The following TNFSF4 variants were observed in gnomAD, a reference collection of about 807,000 sequenced individuals.
TNFSF4 encodes the protein TNF superfamily member 4, also known as tumor necrosis factor ligand superfamily member 4.
In TNFSF4, 4 loss-of-function variants were observed where a neutral mutation model predicts 7.3. The ratio of observed to expected loss-of-function variants is 0.55; its 90% confidence interval spans 0.27 to 1.25. The LOEUF (loss-of-function observed/expected upper bound fraction) is 1.25. Ranked by LOEUF, TNFSF4 falls within the 50% of genes most tolerant of loss-of-function variation. The pLI, the probability that TNFSF4 is intolerant of heterozygous loss-of-function variation, is 0.12. For missense variants in TNFSF4, 181 were observed against 208.8 expected (o/e 0.87, Z 0.82); for synonymous variants, 76 against 83.7 (o/e 0.91, Z 0.50).
chr1:173,255,888 G>A, the TNFSF4 span, among the ~76,000 whole-genome samples: 2 of 152,192 alleles, frequency 1.3e-5, no homozygotes, highest in African/African-American at 4.8e-5. Context: ...GATTCAGTTA[G>A]TGTCCTAACA....
At chr1:173,413,948 T>C in the TNFSF4 span, among the ~76,000 whole-genome samples, 1 of 152,172 alleles carries the variant, frequency 6.6e-6, no homozygotes. Flanking sequence ...CACCATCATA[T>C]GGTCACAAGG....
chr1:173,188,433 A>C, intron 2 of TNFSF4, 88 bp downstream of exon 2: 1 of 1,043,308 alleles, frequency 9.6e-7, no homozygotes, highest in Non-Finnish European at 1.5e-6. Context: ...TAGGAAAAGA[A>C]GAGATCTTGT....
At chr1:173,267,119 A>G in the TNFSF4 span, among the ~76,000 whole-genome samples, 1 of 152,184 alleles carries the variant, frequency 6.6e-6, no homozygotes, top group Non-Finnish European at 1.5e-5. Context: ...TTAATCATAA[A>G]TTAAGATCGA....
the TNFSF4 span, among the ~76,000 whole-genome samples, chr1:173,257,505 G>A: frequency 7.9e-5 from 12 of 152,164 alleles, no homozygotes; most frequent in African/African-American, 1.4e-4. Flanking sequence ...TCTGACCAAC[G>A]GGTTACAAAT....
chr1:173,419,907 G>C, the TNFSF4 span, among the ~76,000 whole-genome samples: 382 of 151,670 alleles, frequency 2.5e-3, 4 homozygotes, highest in African/African-American at 7.6e-3. Context: ...TTGTGTGGCG[G>C]GGGGGGGGAT....
At chr1:173,228,659 G>A in the TNFSF4 span, among the ~76,000 whole-genome samples, 19,106 of 152,126 alleles carry the variant, frequency 0.13, 1,348 homozygotes, top group South Asian at 0.17. Context: ...TGAACCCATC[G>A]CAAAGAAGCT....
At chr1:173,179,235 T>C (rs1377198079), downstream of TNFSF4, among the ~76,000 whole-genome samples, 6 of 152,170 alleles carry the variant, frequency 3.9e-5, no homozygotes. Flanking sequence ...TTTGCCCAGA[T>C]GCAAACAGAA....
At chr1:173,448,653 G>A in the TNFSF4 span, among the ~76,000 whole-genome samples, 2 of 152,188 alleles carry the variant, frequency 1.3e-5, no homozygotes, top group South Asian at 4.1e-4. Flanking sequence ...TTTGAGCCAG[G>A]ATGAGCCAGG....
At chr1:173,399,927 A>G in the TNFSF4 span, among the ~76,000 whole-genome samples, 1 of 152,224 alleles carries the variant, frequency 6.6e-6, no homozygotes, top group Non-Finnish European at 1.5e-5. Flanking sequence ...CCATTCCCCA[A>G]GGTGATCAGA....
the TNFSF4 span, among the ~76,000 whole-genome samples, chr1:173,403,446 A>G: frequency 6.6e-6 from 1 of 152,308 alleles, no homozygotes; most frequent in East Asian, 1.9e-4. Flanking sequence ...GAAGCTCCCT[A>G]ATTTGTAGGA....
chr1:173,352,031 TTGA>T, the TNFSF4 span: 1 of 367,248 alleles, frequency 2.7e-6, no homozygotes, highest in Non-Finnish European at 5.0e-6. Context: ...TATACAAGTT[TTGA>T]TTAAAATTTG....
the TNFSF4 span, among the ~76,000 whole-genome samples, chr1:173,217,459 C>T: frequency 6.6e-6 from 1 of 152,184 alleles, no homozygotes; most frequent in Non-Finnish European, 1.5e-5. Context: ...TAGTCATCCA[C>T]AAATGATAGA....
the TNFSF4 span, among the ~76,000 whole-genome samples, chr1:173,288,632 G>T: frequency 6.6e-6 from 1 of 151,956 alleles, no homozygotes; most frequent in African/African-American, 2.4e-5. Flanking sequence ...TCAGTTATTT[G>T]TTGTTATATT....
chr1:173,205,174 G>A (rs1470063668), intron 1 of TNFSF4: 3 of 1,008,878 alleles, frequency 3.0e-6, no homozygotes, highest in Non-Finnish European at 4.3e-6. Flanking sequence ...CAAATATCCT[G>A]AGCAAAAAAA....
At chr1:173,357,782 G>C in the TNFSF4 span, among the ~76,000 whole-genome samples, 13 of 152,102 alleles carry the variant, frequency 8.5e-5, no homozygotes, top group Non-Finnish European at 2.9e-5. Context: ...TGATCTGCCC[G>C]CCTCAGCCTC....
At chr1:173,370,028 C>G in the TNFSF4 span, among the ~76,000 whole-genome samples, 6 of 152,166 alleles carry the variant, frequency 3.9e-5, no homozygotes, top group African/African-American at 1.4e-4. Flanking sequence ...ACAGAAAACC[C>G]TGGGCTATCA....
the TNFSF4 span, among the ~76,000 whole-genome samples, chr1:173,280,437 CA>C: frequency 6.6e-6 from 1 of 152,012 alleles, no homozygotes; most frequent in South Asian, 2.1e-4. Context: ...AAATATTTGT[CA>C]AATAAATGGG....
the TNFSF4 span, among the ~76,000 whole-genome samples, chr1:173,382,527 C>T: frequency 6.6e-6 from 1 of 152,290 alleles, no homozygotes; most frequent in South Asian, 2.1e-4. Context: ...ACCTATGTAA[C>T]AAACCTGCAC....
chr1:173,370,717 G>A, the TNFSF4 span, among the ~76,000 whole-genome samples: 2 of 152,116 alleles, frequency 1.3e-5, no homozygotes, highest in Non-Finnish European at 2.9e-5. Flanking sequence ...TATTAAACCT[G>A]GCAACATCAG....
Sources: allele counts gnomAD v4.1 joint callset (sites outside exome capture counted in the v4.1 genomes callset), GRCh38; gene constraint gnomAD v4.1.1; transcripts MANE v1.5; gene names NCBI Gene and HGNC (gene_info 2026-07-23, HGNC 2026-07-21).